GAB2: variants seen among roughly 807,000 people sequenced by gnomAD.
GAB2 encodes GRB2 associated binding protein 2.
GAB2 carries 26 observed loss-of-function variants against 65.5 expected under a neutral mutation model. The ratio of observed to expected loss-of-function variants is 0.40; its 90% confidence interval spans 0.29 to 0.55. The LOEUF (loss-of-function observed/expected upper bound fraction) is 0.55. Among genes scored for constraint, GAB2 ranks in the 20% least tolerant of loss-of-function variants. The pLI is 0.53. For missense variants in GAB2, 884 were observed against 875.8 expected, an observed-to-expected ratio of 1.01 and a Z score of -0.12; for synonymous variants, 321 against 329.6, an observed-to-expected ratio of 0.97 and a Z score of 0.28.
intron 1 of GAB2, among the ~76,000 whole-genome samples, chr11:78,405,843 C>A (rs1171871726): frequency 6.6e-6 from 1 of 152,076 alleles, no homozygotes; most frequent in Non-Finnish European, 1.5e-5. Flanking sequence ...CTGTGTAGAC[C>A]AAAAAATTCC....
At chr11:78,282,728 A>G (rs1176435519) in intron 1 of GAB2, among the ~76,000 whole-genome samples, 1 of 152,120 alleles carries the variant, frequency 6.6e-6, no homozygotes, top group Non-Finnish European at 1.5e-5. Flanking sequence ...ATGTGAGCCC[A>G]AAGCACTTTG....
intron 9 of GAB2, 100 bp from the exon 10 acceptor site, chr11:78,219,515 A>T: frequency 9.1e-7 from 1 of 1,098,446 alleles, no homozygotes; most frequent in South Asian, 1.4e-5. Context: ...TCTGAAGGGG[A>T]GAAGAGCATG....
chr11:78,215,916 G>A lies in GAB2; in HGVS notation c.*3356C>T, dbSNP rs1302354746. The A allele has an allele frequency of 6.5e-6, 1 of 152,722 alleles. No homozygotes were observed. The highest frequency in any genetic ancestry group is 6.5e-5 in the Admixed American group (1 of 15,290). 9.5% of individuals were successfully genotyped at this position (152,722 alleles called of 1,614,324 possible). A position where few individuals can be genotyped will look rare whatever the true frequency, so the allele number is the denominator to read the frequency against. On this transcript the variant is annotated 3_prime_UTR_variant, in exon 10 of 10. Transcript: ENST00000361507. The stretch of plus-strand genomic sequence containing the variant: ...CCATGGGAGAAGGGGCCAGAGGGAG[G>A]ATGAGCTGAGCCCATGCTCCAGTAA...
At chr11:78,283,859 T>A (rs1315816484) in intron 1 of GAB2, among the ~76,000 whole-genome samples, 1 of 152,034 alleles carries the variant, frequency 6.6e-6, no homozygotes, top group Non-Finnish European at 1.5e-5. Context: ...AACATTAGAA[T>A]GCCCCAATGC....
chr11:78,395,842 A>C (rs533049465), intron 1 of GAB2, among the ~76,000 whole-genome samples: 7 of 152,240 alleles, frequency 4.6e-5, no homozygotes, highest in Non-Finnish European at 1.0e-4. Flanking sequence ...TTTAGTTTGG[A>C]TTCCAATCCA....
intron 2 of GAB2, among the ~76,000 whole-genome samples, chr11:78,255,652 C>T (rs1316358999): frequency 1.3e-5 from 2 of 152,140 alleles, no homozygotes; most frequent in African/African-American, 4.8e-5. Flanking sequence ...GAGCTTCAGC[C>T]AACTTGGGTT....
chr11:78,314,281 A>G (rs1246131151), intron 1 of GAB2, among the ~76,000 whole-genome samples: 1 of 152,228 alleles, frequency 6.6e-6, no homozygotes, highest in Non-Finnish European at 1.5e-5. Context: ...TAACAGTGAC[A>G]AAAAACACCA....
intron 1 of GAB2, among the ~76,000 whole-genome samples, chr11:78,409,595 A>T (rs145689014): frequency 0.013 from 1,939 of 152,252 alleles, 36 homozygotes; most frequent in African/African-American, 0.044. Context: ...CCAAAAAAAT[A>T]ATAAAAAAAA....
Position 78,226,481 on chromosome 11 carries a change from G to A in GAB2, c.1191C>T (p.Asn397=), listed in dbSNP as rs764250571. 1 of 1,613,424 alleles carries A rather than the reference G, an allele frequency of 6.2e-7. No homozygotes were observed. Among genetic ancestry groups the A allele is most frequent in the South Asian group, 1.1e-5 (1 of 91,068 alleles). ...TATACTGACCTCGGTGAAGTCGGCT[G>A]TTGTCCATTGCAGGGAGGGTGTTGC... ...PRRNTLPAMD[N]SRLHRASSCE... is the part of the protein sequence containing the mutation. Residue 397 remains asparagine, a synonymous_variant, in exon 4 of 10, where the codon AAC becomes AAT. Coordinates refer to ENST00000361507, the MANE Select transcript of GAB2 (RefSeq NM_080491.3).
At chr11:78,314,016 G>A (rs1040301958) in intron 1 of GAB2, among the ~76,000 whole-genome samples, 4 of 152,146 alleles carry the variant, frequency 2.6e-5, no homozygotes, top group African/African-American at 9.7e-5. Flanking sequence ...GTTCTAGCTG[G>A]GTTATTCAGC....
chr11:78,335,858 C>A (rs1399318507), intron 1 of GAB2, among the ~76,000 whole-genome samples: 2 of 152,048 alleles, frequency 1.3e-5, no homozygotes, highest in Non-Finnish European at 2.9e-5. Flanking sequence ...TTCTTCCAAT[C>A]CATGAGCATG....
intron 1 of GAB2, among the ~76,000 whole-genome samples, chr11:78,337,077 A>G (rs1415715364): frequency 6.6e-6 from 1 of 152,224 alleles, no homozygotes; most frequent in East Asian, 1.9e-4. Context: ...ACAACATTCA[A>G]AGAACCTTGG....
chr11:78,390,748 T>C (rs1856824239), intron 1 of GAB2, among the ~76,000 whole-genome samples: 1 of 152,226 alleles, frequency 6.6e-6, no homozygotes, highest in African/African-American at 2.4e-5. Context: ...GACTCAGGAA[T>C]ACATCAGAAA....
rs530495110 is a variant in GAB2 at position 78,345,144 on chromosome 11, G to T, written c.76-64243C>A. On this transcript the variant is annotated intron_variant, in intron 1 of 9. Coordinates refer to ENST00000361507, the MANE Select transcript of GAB2 (RefSeq NM_080491.3). ...AAAATACAAAAATTAGCTAGGTGTG[G>T]TGGCACGCACCTATAGTCCCAGCTA... is the stretch of plus-strand genomic sequence containing the variant. Among the ~76,000 whole-genome samples, 34 of 152,250 alleles carry T rather than the reference G, an allele frequency of 2.2e-4. No individual in the cohort carries two copies. The South Asian group carries it at 7.0e-3, about 32-fold the overall frequency.
chr11:78,297,805 ATTAT>A (rs1211824867), intron 1 of GAB2, among the ~76,000 whole-genome samples: 1 of 152,202 alleles, frequency 6.6e-6, no homozygotes, highest in Non-Finnish European at 1.5e-5. Flanking sequence ...TTATTCACAT[ATTAT>A]TTATATTAAA....
chr11:78,409,499 G>C (rs760483363), intron 1 of GAB2, among the ~76,000 whole-genome samples: 1 of 152,164 alleles, frequency 6.6e-6, no homozygotes, highest in Non-Finnish European at 1.5e-5. Flanking sequence ...CAGGAGAATT[G>C]CTTGCACCCA....
chr11:78,308,064 G>T (rs182255658), intron 1 of GAB2, among the ~76,000 whole-genome samples: 5 of 152,246 alleles, frequency 3.3e-5, no homozygotes, highest in Middle Eastern at 3.4e-3. Context: ...GGACATTATT[G>T]GAACTCCAAA....
chr11:78,235,379 CCT>C (rs1444230600), intron 3 of GAB2, among the ~76,000 whole-genome samples: 1 of 152,048 alleles, frequency 6.6e-6, no homozygotes, highest in Non-Finnish European at 1.5e-5. Context: ...GTCTCGATCT[CCT>C]GACCTTGAGA....
intron 1 of GAB2, among the ~76,000 whole-genome samples, chr11:78,416,295 C>A (rs576632369): frequency 5.7e-4 from 87 of 152,276 alleles, no homozygotes; most frequent in Non-Finnish European, 1.3e-4. Context: ...TTTCCCCCAG[C>A]AAACATCTAC....
Sources: allele counts gnomAD v4.1 joint callset (sites outside exome capture counted in the v4.1 genomes callset), GRCh38; gene constraint gnomAD v4.1.1; transcripts MANE v1.5; gene names NCBI Gene and HGNC (gene_info 2026-07-23, HGNC 2026-07-21).